Variants in TGFBRAP1 observed in about 807,000 individuals in gnomAD.
The protein encoded by TGFBRAP1 is transforming growth factor beta receptor associated protein 1.
A neutral mutation model predicts 83.2 loss-of-function variants in TGFBRAP1; 20 were observed. The observed-to-expected ratio is 0.24, with a 90% CI of 0.17 to 0.35. The LOEUF (loss-of-function observed/expected upper bound fraction) is 0.35, where lower values mean the gene tolerates loss of function less well. TGFBRAP1 is among the 10% of genes least tolerant of loss of function. The pLI is 1.00. For missense variants in TGFBRAP1, 950 were observed against 1,099.4 expected (o/e 0.86, Z 1.92); for synonymous variants, 415 against 459.8 (o/e 0.90, Z 1.25).
chr2:105,292,014 A>G (rs964162910), intron 4 of TGFBRAP1, among the ~76,000 whole-genome samples: 1 of 152,250 alleles, frequency 6.6e-6, no homozygotes, highest in South Asian at 2.1e-4. Flanking sequence ...TTTTGTCTCC[A>G]GCCAAACTGG....
the TGFBRAP1 span, among the ~76,000 whole-genome samples, chr2:105,254,739 C>T: frequency 6.6e-6 from 1 of 152,070 alleles, no homozygotes. Context: ...TTGCCAAATT[C>T]ATATGTTGAA....
intron 1 of TGFBRAP1, among the ~76,000 whole-genome samples, chr2:105,315,468 T>C (rs1202346729): frequency 6.6e-6 from 1 of 152,188 alleles, no homozygotes; most frequent in East Asian, 1.9e-4. Flanking sequence ...GTAATGCATA[T>C]ATCTGGCAAA....
chr2:105,250,942 G>T, the TGFBRAP1 span, among the ~76,000 whole-genome samples: 2 of 152,314 alleles, frequency 1.3e-5, no homozygotes, highest in East Asian at 3.9e-4. Flanking sequence ...AGACGGAGTC[G>T]CGTTCACTCA....
At chr2:105,277,172 G>A (rs1677378558) in intron 7 of TGFBRAP1, among the ~76,000 whole-genome samples, 1 of 152,214 alleles carries the variant, frequency 6.6e-6, no homozygotes, top group Non-Finnish European at 1.5e-5. Context: ...ATGGCCTCGG[G>A]CAAGCAACTG....
chr2:105,310,267 C>T (rs542052436), intron 1 of TGFBRAP1, among the ~76,000 whole-genome samples: 1 of 152,196 alleles, frequency 6.6e-6, no homozygotes, highest in South Asian at 2.1e-4. Flanking sequence ...TACTATGATT[C>T]CCTCCCAGTC....
intron 1 of TGFBRAP1, among the ~76,000 whole-genome samples, chr2:105,322,221 A>C (rs1222872378): frequency 6.6e-6 from 1 of 151,722 alleles, no homozygotes; most frequent in Non-Finnish European, 1.5e-5. Flanking sequence ...AAGCATATAA[A>C]GAAAATATTT....
At chr2:105,263,702 ACTCTGT>A (rs1258691680), downstream of TGFBRAP1, among the ~76,000 whole-genome samples, 1 of 152,006 alleles carries the variant, frequency 6.6e-6, no homozygotes, top group African/African-American at 2.4e-5. Flanking sequence ...ACATGGTGAA[ACTCTGT>A]CTCTATTAAA....
chr2:105,283,990 C>T (rs191815165), intron 5 of TGFBRAP1, among the ~76,000 whole-genome samples: 113 of 152,246 alleles, frequency 7.4e-4, no homozygotes, highest in Non-Finnish European at 1.2e-3. Flanking sequence ...AAGCACTTTC[C>T]TAGGGGTCCT....
chr2:105,281,621 T>G (rs528420672), intron 5 of TGFBRAP1, among the ~76,000 whole-genome samples: 15 of 152,168 alleles, frequency 9.9e-5, no homozygotes, highest in Non-Finnish European at 1.9e-4. Context: ...CAGGATAAAT[T>G]TCAAATCTCT....
At chr2:105,307,295 TTG>T (rs1678534141) in intron 2 of TGFBRAP1, among the ~76,000 whole-genome samples, 1 of 152,190 alleles carries the variant, frequency 6.6e-6, no homozygotes, top group Admixed American at 6.5e-5. Flanking sequence ...TATCTCTGAA[TTG>T]TCTCTTGGCC....
chr2:105,293,942 G>C (rs1285977037), intron 4 of TGFBRAP1, among the ~76,000 whole-genome samples: 1 of 152,196 alleles, frequency 6.6e-6, no homozygotes, highest in Non-Finnish European at 1.5e-5. Flanking sequence ...GAAGTCTTTA[G>C]CTCTGCCCAG....
downstream of TGFBRAP1, among the ~76,000 whole-genome samples, chr2:105,263,243 C>A (rs923804152): frequency 6.6e-5 from 10 of 152,172 alleles, no homozygotes; most frequent in African/African-American, 2.4e-4. Context: ...TGCTAATGGG[C>A]CTTCAGATAC....
At chr2:105,250,611 C>CT in the TGFBRAP1 span, among the ~76,000 whole-genome samples, 2 of 66,246 alleles carry the variant, frequency 3.0e-5, no homozygotes, top group Non-Finnish European at 8.1e-5. Flanking sequence ...TCTCCCTCTC[C>CT]CTCCTCTCCC....
intron 1 of TGFBRAP1, among the ~76,000 whole-genome samples, chr2:105,323,081 A>G (rs771987409): frequency 6.6e-6 from 1 of 152,168 alleles, no homozygotes; most frequent in Non-Finnish European, 1.5e-5. Flanking sequence ...GTGGTATGCA[A>G]CACAGTGGGA....
downstream of TGFBRAP1, among the ~76,000 whole-genome samples, chr2:105,262,337 G>C (rs942466670): frequency 1.1e-4 from 17 of 152,072 alleles, no homozygotes; most frequent in African/African-American, 3.6e-4. Flanking sequence ...GTGAGAGCTG[G>C]CTGTTTAAAG....
At chr2:105,313,848 A>ATAAAT (rs569382931) in intron 1 of TGFBRAP1, among the ~76,000 whole-genome samples, 29 of 152,084 alleles carry the variant, frequency 1.9e-4, no homozygotes, top group South Asian at 8.3e-4. Flanking sequence ...AAATAAATTA[A>ATAAAT]TAAATTAAAT....
intron 4 of TGFBRAP1, among the ~76,000 whole-genome samples, chr2:105,290,909 G>A (rs1677888931): frequency 6.6e-6 from 1 of 152,118 alleles, no homozygotes; most frequent in South Asian, 2.1e-4. Context: ...GGGAGGCTGA[G>A]GCAGGAGAAT....
At chr2:105,258,394 C>A in the TGFBRAP1 span, among the ~76,000 whole-genome samples, 1 of 152,134 alleles carries the variant, frequency 6.6e-6, no homozygotes, top group Non-Finnish European at 1.5e-5. Context: ...GAAAGATCTA[C>A]CCTTCCCTAT....
At position 105,267,664 on chromosome 2, in the gene TGFBRAP1, T is replaced by C. The variant is rs1326576920; in HGVS notation, c.2407-105A>G. The C allele has an allele frequency of 4.6e-6, 7 of 1,518,078 alleles. No individual in the cohort carries two copies. The East Asian group carries it at 1.6e-4, about 34-fold the overall frequency. The allele number at this position is 1,518,078 out of a possible 1,614,324, so 94.0% of individuals were successfully genotyped here. ...TGACATGCATTACTCCATGGGTTAT[T>C]ATTATGATGAGGATTTCTTTAATAT... On this transcript the variant is annotated intron_variant, in intron 11 of 11. Transcript: ENST00000393359.
Sources: allele counts gnomAD v4.1 joint callset (sites outside exome capture counted in the v4.1 genomes callset), GRCh38; gene constraint gnomAD v4.1.1; transcripts MANE v1.5; gene names NCBI Gene and HGNC (gene_info 2026-07-23, HGNC 2026-07-21).